Variants in CCSER1 observed in about 807,000 individuals in gnomAD.
CCSER1 encodes the protein coiled-coil serine rich protein 1.
CCSER1 carries 41 observed loss-of-function variants against 82.0 expected under a neutral mutation model. That is an observed-to-expected ratio of 0.50 (90% CI 0.39 to 0.65). The LOEUF (loss-of-function observed/expected upper bound fraction) is 0.65. CCSER1 is among the 30% of genes least tolerant of loss of function. The pLI is 0.00. For missense variants in CCSER1, 1,119 were observed against 1,064.2 expected (o/e 1.05, Z -0.72); for synonymous variants, 414 against 383.9 (o/e 1.08, Z -0.92).
intron 10 of CCSER1, among the ~76,000 whole-genome samples, chr4:91,098,111 A>G (rs1439446238): frequency 6.6e-6 from 1 of 152,248 alleles, no homozygotes; most frequent in Non-Finnish European, 1.5e-5. Flanking sequence ...ACATTCATTA[A>G]TCATTGAAAA....
intron 5 of CCSER1, among the ~76,000 whole-genome samples, chr4:90,621,392 G>A (rs546058180): frequency 1.3e-5 from 2 of 151,680 alleles, no homozygotes; most frequent in African/African-American, 4.8e-5. Context: ...ATAGTGGGTA[G>A]GCAGCCAACA....
chr4:91,388,244 G>T (rs1751427995), intron 10 of CCSER1, among the ~76,000 whole-genome samples: 1 of 151,908 alleles, frequency 6.6e-6, no homozygotes, highest in Non-Finnish European at 1.5e-5. Context: ...CATAACCTCT[G>T]ATCAGAGATC....
chr4:91,523,057 T>G (rs967722408), intron 10 of CCSER1, among the ~76,000 whole-genome samples: 1 of 152,190 alleles, frequency 6.6e-6, no homozygotes, highest in Non-Finnish European at 1.5e-5. Flanking sequence ...CATCAATATC[T>G]AGTTTATTGA....
At chr4:90,607,559 C>T (rs985596934) in intron 5 of CCSER1, among the ~76,000 whole-genome samples, 8 of 152,044 alleles carry the variant, frequency 5.3e-5, no homozygotes, top group African/African-American at 1.7e-4. Context: ...CCCTGATTTC[C>T]GCCTTAATTT....
intron 9 of CCSER1, among the ~76,000 whole-genome samples, chr4:90,952,317 A>G (rs1044878865): frequency 1.3e-5 from 2 of 152,078 alleles, no homozygotes; most frequent in Non-Finnish European, 2.9e-5. Flanking sequence ...TTTGCCCCCC[A>G]GTGAACACTG....
intron 10 of CCSER1, among the ~76,000 whole-genome samples, chr4:91,343,978 G>C (rs1016640105): frequency 6.6e-6 from 1 of 152,176 alleles, no homozygotes; most frequent in African/African-American, 2.4e-5. Context: ...AAGGTGATAT[G>C]TGGAAGACTG....
intron 3 of CCSER1, among the ~76,000 whole-genome samples, chr4:90,375,030 A>G (rs966491436): frequency 2.6e-5 from 4 of 152,196 alleles, no homozygotes; most frequent in African/African-American, 9.7e-5. Flanking sequence ...CTCCTGGTCA[A>G]TAAACCTAGA....
At chr4:90,635,278 G>A (rs369504574) in intron 6 of CCSER1, among the ~76,000 whole-genome samples, 3 of 151,398 alleles carry the variant, frequency 2.0e-5, no homozygotes, top group South Asian at 2.1e-4. Context: ...TTTCAAATGC[G>A]AGTGGAACAT....
intron 6 of CCSER1, among the ~76,000 whole-genome samples, chr4:90,672,569 A>G (rs537521911): frequency 6.6e-6 from 1 of 151,996 alleles, no homozygotes; most frequent in East Asian, 1.9e-4. Context: ...CTTTCTTATT[A>G]TTTATGCATT....
rs1046370995 is a variant in CCSER1 at position 91,602,889 on chromosome 4, C to G, written c.*3832C>G. ...CCAGGATTTTGATTGCTATCTAAGA[C>G]TTGACTTTATTTAGGCATTATTATC... is the stretch of plus-strand genomic sequence containing the variant. On this transcript the variant is annotated 3_prime_UTR_variant, in exon 11 of 11. Transcript: ENST00000509176. 6.6e-6 allele frequency among the ~76,000 whole-genome samples: 1 copy of G among 151,934 alleles called. No individual in the cohort carries two copies. The highest frequency in any genetic ancestry group is 1.5e-5 in the Non-Finnish European group (1 of 67,926).
chr4:90,246,415 A>G (rs981405911), intron 1 of CCSER1, among the ~76,000 whole-genome samples: 5 of 152,268 alleles, frequency 3.3e-5, no homozygotes, highest in African/African-American at 1.2e-4. Context: ...TCATTTTTAT[A>G]CAATTCCTCT....
intron 6 of CCSER1, among the ~76,000 whole-genome samples, chr4:90,700,875 G>T (rs1252955544): frequency 6.6e-6 from 1 of 152,016 alleles, no homozygotes; most frequent in Non-Finnish European, 1.5e-5. Flanking sequence ...TGTATATTCT[G>T]GTTATTAGCC....
intron 7 of CCSER1, among the ~76,000 whole-genome samples, chr4:90,748,792 G>T (rs1748011071): frequency 6.7e-6 from 1 of 150,172 alleles, no homozygotes; most frequent in East Asian, 2.0e-4. Flanking sequence ...GGCCAGTGAT[G>T]ATGAGCATTT....
chr4:91,242,908 A>G (rs1197244003), intron 10 of CCSER1, among the ~76,000 whole-genome samples: 1 of 152,174 alleles, frequency 6.6e-6, no homozygotes. Flanking sequence ...AAATTTTATA[A>G]ATTCTCTGCA....
chr4:90,279,478 G>T (rs1206638912), intron 1 of CCSER1, among the ~76,000 whole-genome samples: 1 of 151,996 alleles, frequency 6.6e-6, no homozygotes, highest in African/African-American at 2.4e-5. Flanking sequence ...TTCTAGGAAG[G>T]TGCTGGAATT....
chr4:90,664,649 C>A (rs976372435), intron 6 of CCSER1, among the ~76,000 whole-genome samples: 24 of 152,082 alleles, frequency 1.6e-4, no homozygotes, highest in African/African-American at 5.8e-4. Context: ...GCCTGTAATC[C>A]CAGCACTTTG....
chr4:91,107,684 A>C (rs79315503), intron 10 of CCSER1, among the ~76,000 whole-genome samples: 19 of 150,000 alleles, frequency 1.3e-4, no homozygotes, highest in Non-Finnish European at 2.5e-4. Flanking sequence ...AAAAATTCGA[A>C]TGATAAAAGC....
At chr4:90,237,829 A>T (rs922287142) in intron 1 of CCSER1, among the ~76,000 whole-genome samples, 1 of 152,222 alleles carries the variant, frequency 6.6e-6, no homozygotes, top group Non-Finnish European at 1.5e-5. Flanking sequence ...TACCATAATA[A>T]GATGTATTCT....
chr4:90,973,402 T>G lies in CCSER1; in HGVS notation c.2172+49955T>G, dbSNP rs556022722. 2.0e-5 allele frequency among the ~76,000 whole-genome samples: 3 copies of G among 151,790 alleles called. No individual in the cohort carries two copies. The South Asian group carries it at 6.2e-4, about 31-fold the overall frequency. On this transcript the variant is annotated intron_variant, in intron 9 of 10. Transcript: ENST00000509176. ...AAGATGTATGAAAGGCCAACTGTTA[T>G]ATGAAAAGGTGCTCAACATCACTAA...
Sources: allele counts gnomAD v4.1 joint callset (sites outside exome capture counted in the v4.1 genomes callset), GRCh38; gene constraint gnomAD v4.1.1; transcripts MANE v1.5; gene names NCBI Gene and HGNC (gene_info 2026-07-23, HGNC 2026-07-21).